The following KLHL2 variants were observed in gnomAD, a reference collection of about 807,000 sequenced individuals.
The protein encoded by KLHL2 is kelch-like protein 2.
In KLHL2, 15 loss-of-function variants were observed where a neutral mutation model predicts 75.8. The ratio of observed to expected loss-of-function variants is 0.20; its 90% CI spans 0.13 to 0.30. The LOEUF is 0.30. Among genes scored for constraint, KLHL2 ranks in the 10% least tolerant of loss-of-function variants. KLHL2 has a pLI of 1.00. For missense variants in KLHL2, 381 were observed against 741.0 expected (o/e 0.51, Z 5.64); for synonymous variants, 214 against 251.9 (o/e 0.85, Z 1.42).
In KLHL2 at chr4:165,323,136, G is replaced by C. The variant is rs185558856; in HGVS notation, c.*1076G>C. 1 of 152,646 alleles carries C rather than the reference G, an allele frequency of 6.6e-6. No individual in the cohort carries two copies. The highest frequency in any genetic ancestry group is 6.5e-5 in the Admixed American group (1 of 15,302). 9.5% of individuals were successfully genotyped at this position (152,646 alleles called of 1,614,324 possible). A position where few individuals can be genotyped will look rare whatever the true frequency, so the allele number is the denominator to read the frequency against. ...TTTCTTGAATTAACTTTGAATAAAA[G>C]TTTGTATATTATTTGTTTCACAGTG... On this transcript the variant is annotated 3_prime_UTR_variant, in exon 15 of 15. Coordinates refer to ENST00000226725, the MANE Select transcript of KLHL2 (RefSeq NM_007246.4).
intron 4 of KLHL2, chr4:165,252,732 A>C (rs867334554): frequency 1.4e-4 from 21 of 152,346 alleles, no homozygotes; most frequent in African/African-American, 4.8e-4. Context: ...TATCAATGCT[A>C]GTGTAGCAAT....
At chr4:165,296,866 CT>C (rs34226143) in intron 6 of KLHL2, among the ~76,000 whole-genome samples, 17 of 147,776 alleles carry the variant, frequency 1.2e-4, no homozygotes, top group South Asian at 2.2e-4. Context: ...TAGTTTCTTG[CT>C]TTTTTTTTTC....
chr4:165,236,464 G>A (rs1288884619), intron 3 of KLHL2, among the ~76,000 whole-genome samples: 1 of 152,054 alleles, frequency 6.6e-6, no homozygotes, highest in Admixed American at 6.6e-5. Flanking sequence ...TGATTCTCCT[G>A]CTTCAGTCTC....
rs189409010 is a variant in KLHL2, at chr4:165,214,058, G to A, written c.27-5876G>A. On this transcript the variant is annotated intron_variant, in intron 1 of 14. Coordinates refer to ENST00000226725, the MANE Select transcript of KLHL2 (RefSeq NM_007246.4). ...AGAGAGGCTAAGTGACTAATCCAGG[G>A]TCTCTTGGTTAGTATTTGGCATAGA... 1.9e-3 allele frequency among the ~76,000 whole-genome samples: 296 copies of A among 152,170 alleles called. 1 individual carries two copies. The highest frequency in any genetic ancestry group is 6.6e-3 in the African/African-American group (276 of 41,514).
At chr4:165,217,710 G>A (rs913376125) in intron 1 of KLHL2, among the ~76,000 whole-genome samples, 8 of 152,176 alleles carry the variant, frequency 5.3e-5, no homozygotes, top group African/African-American at 1.9e-4. Flanking sequence ...TTATATTCAT[G>A]TTGAGTACCT....
rs1746079176 is a variant in KLHL2, at chr4:165,310,536, C to G, written c.1040-17C>G. The G allele has an allele frequency of 2.5e-6, 4 of 1,609,262 alleles. No homozygotes were observed. The highest frequency in any genetic ancestry group is 1.3e-5 in the African/African-American group (1 of 74,828). On this transcript the variant is annotated splice_polypyrimidine_tract_variant and intron_variant, in intron 9 of 14. Coordinates refer to ENST00000226725, the MANE Select transcript of KLHL2 (RefSeq NM_007246.4). ...TGAGTTGCATGTTGATCATTAAATG[C>G]TGTACTCCTTTTGCAGGCATGGTCT... is the stretch of plus-strand genomic sequence containing the variant.
intron 3 of KLHL2, among the ~76,000 whole-genome samples, chr4:165,234,213 T>G (rs746262139): frequency 2.6e-4 from 39 of 152,176 alleles, no homozygotes; most frequent in Non-Finnish European, 2.9e-5. Context: ...GCCACCCAGA[T>G]CAGCTTGCCA....
intron 5 of KLHL2, among the ~76,000 whole-genome samples, chr4:165,289,864 C>T (rs888807121): frequency 2.6e-5 from 4 of 152,060 alleles, no homozygotes; most frequent in Non-Finnish European, 5.9e-5. Context: ...AGAGTTCTTT[C>T]CCCTCATGAA....
intron 2 of KLHL2, among the ~76,000 whole-genome samples, chr4:165,227,745 T>C (rs1049359967): frequency 2.6e-5 from 4 of 152,224 alleles, no homozygotes; most frequent in Non-Finnish European, 5.9e-5. Context: ...AAATATTCTG[T>C]GACATTATTA....
intron 5 of KLHL2, among the ~76,000 whole-genome samples, chr4:165,282,159 A>G (rs539666922): frequency 2.2e-4 from 34 of 152,384 alleles, no homozygotes; most frequent in African/African-American, 7.9e-4. Context: ...AACTCTGAGT[A>G]TAAGTAGAGG....
chr4:165,207,800 A>C lies in KLHL2; in HGVS notation c.-77A>C. The stretch of plus-strand genomic sequence containing the variant: ...ATGGAACGCGGCTCGGCGGGCGGGC[A>C]GTGCCGGCGTCCGCGGCTGGAATGG... On this transcript the variant is annotated 5_prime_UTR_variant, in exon 1 of 15. Coordinates refer to ENST00000226725, the MANE Select transcript of KLHL2 (RefSeq NM_007246.4). This position sits in a 1 kb window ranked among gnomAD's most constrained non-coding sequence, Gnocchi z 4.2. The C allele has an allele frequency of 1.6e-6, 2 of 1,263,870 alleles. No homozygotes were observed. The highest frequency in any genetic ancestry group is 2.1e-6 in the Non-Finnish European group (2 of 950,998). The allele number at this position is 1,263,870 out of a possible 1,614,324, so 78.3% of individuals were successfully genotyped here.
In KLHL2 at chr4:165,284,949, G is replaced by A. The variant is rs28678951; in HGVS notation, c.545-9410G>A. ...CCCATTTTTAAAACCGTCAGATCTC[G>A]TGAGACTCATTCACTATCATGAGAA... is the stretch of plus-strand genomic sequence containing the variant. On this transcript the variant is annotated intron_variant, in intron 5 of 14. Coordinates refer to ENST00000226725, the MANE Select transcript of KLHL2 (RefSeq NM_007246.4). Among the ~76,000 whole-genome samples the A allele has an allele frequency of 5.7e-3, 862 of 152,244 alleles. 9 individuals are homozygous for A. The highest frequency in any genetic ancestry group is 0.02 in the African/African-American group (822 of 41,540).
At chr4:165,240,556 A>G (rs958647877) in intron 4 of KLHL2, 1 of 149,408 alleles carries the variant, frequency 6.7e-6, no homozygotes, top group Non-Finnish European at 1.5e-5. Context: ...TTTTTTTAAC[A>G]TGGAAGAAAG....
At chr4:165,277,223 A>G (rs1343376271) in intron 5 of KLHL2, among the ~76,000 whole-genome samples, 2 of 152,178 alleles carry the variant, frequency 1.3e-5, no homozygotes, top group African/African-American at 2.4e-5. Flanking sequence ...TGTATAAAAT[A>G]TATAGGCATA....
rs1198209864 is a variant in KLHL2, at chr4:165,207,965, C to T, written c.26+63C>T. 2.4e-6 allele frequency: 3 copies of T among 1,236,526 alleles called. No homozygotes were observed. Among genetic ancestry groups the T allele is most frequent in the East Asian group, 3.6e-5 (1 of 28,104 alleles). 76.6% of individuals were successfully genotyped at this position (1,236,526 alleles called of 1,614,324 possible). On this transcript the variant is annotated intron_variant, in intron 1 of 14. Transcript: ENST00000226725. The surrounding 1 kb of genome is among the most constrained non-coding windows in gnomAD (Gnocchi z 4.2). ...AAGCGCGCCGCTGCGGCGCGTGTCG[C>T]CGGCCGCGGGCGCAGCTCTGGGGAC... is the stretch of plus-strand genomic sequence containing the variant.
intron 1 of KLHL2, chr4:165,208,432 CTT>C (rs901598539): frequency 5.3e-5 from 8 of 152,168 alleles, no homozygotes; most frequent in African/African-American, 1.9e-4. Flanking sequence ...CATGTGACCT[CTT>C]TTACCTGGCA....
intron 11 of KLHL2, among the ~76,000 whole-genome samples, chr4:165,312,649 C>T (rs144381928): frequency 1.2e-3 from 190 of 152,282 alleles, no homozygotes; most frequent in African/African-American, 4.4e-3. Flanking sequence ...GGCTCTTACT[C>T]GTATCTTACC....
At position 165,243,534 on chromosome 4, in the gene KLHL2, A is replaced by G. The variant is rs1006673991; in HGVS notation, c.381+4635A>G. 5.9e-5 allele frequency among the ~76,000 whole-genome samples: 9 copies of G among 152,372 alleles called. No individual in the cohort carries two copies. The South Asian group carries it at 8.3e-4, about 14-fold the overall frequency. ...ATGTTGGATGAATTGGAATTATTTG[A>G]GACGGACACTTTCTATCTCTTTAGA... On this transcript the variant is annotated intron_variant, in intron 4 of 14. Coordinates refer to ENST00000226725, the MANE Select transcript of KLHL2 (RefSeq NM_007246.4).
At chr4:165,308,669 A>T (rs1339375798) in intron 9 of KLHL2, among the ~76,000 whole-genome samples, 1 of 152,214 alleles carries the variant, frequency 6.6e-6, no homozygotes, top group Admixed American at 6.5e-5. Context: ...TACTTCTAAG[A>T]GATGGCATAT....
Sources: allele counts gnomAD v4.1 joint callset (sites outside exome capture counted in the v4.1 genomes callset), GRCh38; gene constraint gnomAD v4.1.1; non-coding constraint Gnocchi (gnomAD v3.1); transcripts MANE v1.5; gene names NCBI Gene and HGNC (gene_info 2026-07-23, HGNC 2026-07-21).